ANKS1B: variants seen among roughly 807,000 people sequenced by gnomAD.
ANKS1B encodes the protein ankyrin repeat and sterile alpha motif domain-containing protein 1B.
Under a neutral mutation model 148.3 loss-of-function variants are expected in ANKS1B, and 36 were observed. The ratio of observed to expected loss-of-function variants is 0.24; its 90% confidence interval spans 0.19 to 0.32. ANKS1B has a LOEUF of 0.32. Ranked by LOEUF, ANKS1B falls within the 10% of genes least tolerant of loss-of-function variation. The pLI, the probability that ANKS1B is intolerant of heterozygous loss-of-function variation, is 1.00. For missense variants in ANKS1B, 1,157 were observed against 1,542.6 expected (o/e 0.75, Z 4.19); for synonymous variants, 542 against 560.8 (o/e 0.97, Z 0.47).
chr12:98,966,745 T>C (rs757165335), intron 17 of ANKS1B, among the ~76,000 whole-genome samples: 3 of 152,088 alleles, frequency 2.0e-5, no homozygotes, highest in Non-Finnish European at 4.4e-5. Context: ...TGTAGGGACA[T>C]AGATGAAGCT....
At chr12:99,690,879 C>T (rs1199067121) in intron 8 of ANKS1B, among the ~76,000 whole-genome samples, 3 of 152,364 alleles carry the variant, frequency 2.0e-5, no homozygotes, top group Non-Finnish European at 2.9e-5. Flanking sequence ...GAGGCTTCAA[C>T]CCCACATTTT....
At chr12:98,904,604 C>T (rs1041915838) in intron 17 of ANKS1B, among the ~76,000 whole-genome samples, 1 of 152,190 alleles carries the variant, frequency 6.6e-6, no homozygotes, top group Non-Finnish European at 1.5e-5. Context: ...CTGGTTTCTC[C>T]CTTCTCTCCT....
At chr12:99,663,653 G>C (rs1257212244) in intron 8 of ANKS1B, among the ~76,000 whole-genome samples, 1 of 152,028 alleles carries the variant, frequency 6.6e-6, no homozygotes, top group Non-Finnish European at 1.5e-5. Flanking sequence ...ACATCTCCTA[G>C]TATCTGCACT....
intron 1 of ANKS1B, among the ~76,000 whole-genome samples, chr12:99,869,417 T>C (rs112970992): frequency 1.4e-3 from 216 of 152,230 alleles, no homozygotes; most frequent in African/African-American, 4.9e-3. Context: ...CTCACGCCTG[T>C]AATCCCAGCA....
chr12:99,138,075 T>G (rs929853762), intron 15 of ANKS1B, among the ~76,000 whole-genome samples: 1 of 152,200 alleles, frequency 6.6e-6, no homozygotes, highest in African/African-American at 2.4e-5. Context: ...GATCAATGTT[T>G]GTATTTAGAA....
intron 1 of ANKS1B, among the ~76,000 whole-genome samples, chr12:99,983,367 TAGAA>T (rs1321188886): frequency 1.3e-5 from 2 of 152,166 alleles, no homozygotes; most frequent in Non-Finnish European, 2.9e-5. Flanking sequence ...AATGTCATCT[TAGAA>T]AGATTCTCCA....
At chr12:99,889,928 A>T (rs2093009683) in intron 1 of ANKS1B, among the ~76,000 whole-genome samples, 1 of 152,148 alleles carries the variant, frequency 6.6e-6, no homozygotes, top group Admixed American at 6.6e-5. Flanking sequence ...GGGCCCATTC[A>T]TCTAGCAGCT....
intron 16 of ANKS1B, among the ~76,000 whole-genome samples, chr12:99,067,819 G>A (rs1276500997): frequency 6.6e-6 from 1 of 151,988 alleles, no homozygotes; most frequent in Non-Finnish European, 1.5e-5. Context: ...ACAAAAAATA[G>A]CTTGATCTTT....
chr12:99,186,980 GAGA>G (rs1195431842), intron 14 of ANKS1B, among the ~76,000 whole-genome samples: 2 of 151,386 alleles, frequency 1.3e-5, no homozygotes, highest in Admixed American at 1.3e-4. Context: ...AACCAGTTTA[GAGA>G]AGAACATAAA....
At chr12:99,322,465 T>C (rs1297038952) in intron 12 of ANKS1B, among the ~76,000 whole-genome samples, 1 of 142,294 alleles carries the variant, frequency 7.0e-6, no homozygotes, top group Non-Finnish European at 1.5e-5. Flanking sequence ...ATATGTATCC[T>C]GGAACTTAAA....
intron 12 of ANKS1B, among the ~76,000 whole-genome samples, chr12:99,252,064 G>A (rs1422246245): frequency 1.3e-5 from 2 of 152,208 alleles, no homozygotes; most frequent in Non-Finnish European, 2.9e-5. Flanking sequence ...AGATAGAAAC[G>A]AAAGGAAGAT....
intron 1 of ANKS1B, among the ~76,000 whole-genome samples, chr12:99,948,785 C>T (rs1259292866): frequency 6.6e-6 from 1 of 152,144 alleles, no homozygotes; most frequent in East Asian, 1.9e-4. Flanking sequence ...CTGGAGAATA[C>T]AAAATTTCTC....
chr12:99,187,570 A>T (rs2080043746), intron 14 of ANKS1B, among the ~76,000 whole-genome samples: 1 of 152,212 alleles, frequency 6.6e-6, no homozygotes. Flanking sequence ...TTTTCAACCC[A>T]GAATTTCATA....
At chr12:99,121,397 C>T (rs1390434425) in intron 15 of ANKS1B, among the ~76,000 whole-genome samples, 3 of 146,114 alleles carry the variant, frequency 2.1e-5, no homozygotes, top group Non-Finnish European at 4.5e-5. Flanking sequence ...TTGGTATCAA[C>T]ATTTCTTATC....
chr12:99,966,866 T>C (rs993158552), intron 1 of ANKS1B, among the ~76,000 whole-genome samples: 5 of 152,212 alleles, frequency 3.3e-5, no homozygotes, highest in African/African-American at 1.2e-4. Flanking sequence ...TCAAGTTATC[T>C]TTGTGAGGAA....
At chr12:98,980,299 C>A (rs966658167) in intron 17 of ANKS1B, among the ~76,000 whole-genome samples, 20 of 152,302 alleles carry the variant, frequency 1.3e-4, no homozygotes, top group Non-Finnish European at 2.2e-4. Context: ...CTCCCAGGTA[C>A]CCGCCATTCT....
At chr12:99,254,756 A>T (rs926852878) in intron 12 of ANKS1B, among the ~76,000 whole-genome samples, 3 of 152,216 alleles carry the variant, frequency 2.0e-5, no homozygotes, top group Non-Finnish European at 4.4e-5. Context: ...GTTTTTCTGC[A>T]TCTGTTCAGT....
intron 11 of ANKS1B, among the ~76,000 whole-genome samples, chr12:99,427,578 A>G (rs1349298249): frequency 1.3e-5 from 2 of 152,180 alleles, no homozygotes; most frequent in Non-Finnish European, 2.9e-5. Context: ...AGCCCTGATC[A>G]CAATCTGAAG....
At chr12:99,272,789 CTT>C (rs2077191315) in intron 12 of ANKS1B, among the ~76,000 whole-genome samples, 1 of 152,202 alleles carries the variant, frequency 6.6e-6, no homozygotes, top group East Asian at 1.9e-4. Flanking sequence ...ATTTGAGAGA[CTT>C]TTTATAAAAA....
Sources: allele counts gnomAD v4.1 joint callset (sites outside exome capture counted in the v4.1 genomes callset), GRCh38; gene constraint gnomAD v4.1.1; transcripts MANE v1.5; gene names NCBI Gene and HGNC (gene_info 2026-07-23, HGNC 2026-07-21).